The following NNT variants were observed in gnomAD, a reference collection of about 807,000 sequenced individuals.
The protein encoded by NNT is NAD(P) transhydrogenase, mitochondrial.
A neutral mutation model predicts 104.8 loss-of-function variants in NNT; 50 were observed. The observed-to-expected ratio is 0.48, with a 90% CI of 0.38 to 0.60. NNT has a LOEUF of 0.60. Ranked by LOEUF, NNT falls within the 20% of genes least tolerant of loss-of-function variation. The pLI is 0.00. For synonymous variants in NNT, 461 were observed against 490.4 expected, an observed-to-expected ratio of 0.94 and a Z score of 0.79; for missense variants, 1,131 against 1,330.7, an observed-to-expected ratio of 0.85 and a Z score of 2.33.
At chr5:43,663,732 C>T (rs1740490605) in intron 17 of NNT, among the ~76,000 whole-genome samples, 1 of 152,140 alleles carries the variant, frequency 6.6e-6, no homozygotes, top group African/African-American at 2.4e-5. Context: ...CATTTAATCC[C>T]CGCACAAATT....
Position 43,621,032 on chromosome 5 carries a change from C to T in NNT, c.687+1913C>T, listed in dbSNP as rs185653216. Among the ~76,000 whole-genome samples, 6 of 152,280 alleles carry T rather than the reference C, an allele frequency of 3.9e-5. No individual in the cohort carries two copies. In the East Asian group the frequency reaches 1.2e-3, roughly 29 times the overall value. On this transcript the variant is annotated intron_variant, in intron 5 of 21. Transcript: ENST00000344920. ...AGCTTAAGGGACTTTGGTTACATGACAGAAATAGTTTTCTGAAATTGAAGG... is the reference window on the plus strand; with the variant it reads ...AGCTTAAGGGACTTTGGTTACATGATAGAAATAGTTTTCTGAAATTGAAGG...
At chr5:43,663,722 C>T (rs1232094662) in intron 17 of NNT, among the ~76,000 whole-genome samples, 1 of 152,154 alleles carries the variant, frequency 6.6e-6, no homozygotes, top group African/African-American at 2.4e-5. Context: ...AAATATAGCT[C>T]ATTTAATCCC....
chr5:43,651,718 T>C, intron 12 of NNT, 21 bp from the exon 13 acceptor site: 2 of 1,613,608 alleles, frequency 1.2e-6, no homozygotes, highest in Non-Finnish European at 1.7e-6. Flanking sequence ...CTATGTTTTT[T>C]ATTTCCTTTG....
intron 4 of NNT, among the ~76,000 whole-genome samples, chr5:43,617,460 A>G (rs760093162): frequency 1.2e-4 from 18 of 152,088 alleles, no homozygotes; most frequent in South Asian, 2.1e-4. Context: ...TCACTCTTCT[A>G]TGTCCTGAGC....
Position 43,702,654 on chromosome 5 carries a change from A to G in NNT, c.3029A>G (p.Asp1010Gly), listed in dbSNP as rs758670229. Residue 1010 changes from aspartate to glycine, a missense_variant, in exon 21 of 22, where the codon GAC becomes GGC. Asp to Gly is a moderately conservative substitution (Grantham distance 94, BLOSUM62 -1). Transcript: ENST00000344920. ...TTGGTCCTTGTAATTGGAGCTAATG[A>G]CACTGTTAATTCAGCAGCTCAAGAA... is the stretch of plus-strand genomic sequence containing the variant. ...TDLVLVIGANDTVNSAAQEDP... is the reference protein window; with the variant it reads ...TDLVLVIGANGTVNSAAQEDP... 1 of 1,612,818 alleles carries G rather than the reference A, an allele frequency of 6.2e-7. No individual in the cohort carries two copies. Among genetic ancestry groups the G allele is most frequent in the East Asian group, 2.2e-5 (1 of 44,834 alleles).
intron 2 of NNT, among the ~76,000 whole-genome samples, chr5:43,610,929 A>T (rs558334805): frequency 6.6e-6 from 1 of 152,204 alleles, no homozygotes; most frequent in African/African-American, 2.4e-5. Context: ...AATTATTTTT[A>T]TCTCTGAAAG....
At chr5:43,696,286 G>T (rs1321956180) in intron 19 of NNT, among the ~76,000 whole-genome samples, 2 of 152,130 alleles carry the variant, frequency 1.3e-5, no homozygotes, top group Non-Finnish European at 2.9e-5. Flanking sequence ...ATCCAGCAGG[G>T]CAATCAAATC....
At chr5:43,694,738 TTGTGTG>T (rs61079918) in intron 19 of NNT, among the ~76,000 whole-genome samples, 1,791 of 137,894 alleles carry the variant, frequency 0.013, 13 homozygotes, top group Middle Eastern at 0.032. Flanking sequence ...GGCCTAAAGT[TTGTGTG>T]TGTGTGTGTG....
At chr5:43,663,773 CTGAGAAAGTATTGTAAGGCACCATTTATT>C in intron 17 of NNT, among the ~76,000 whole-genome samples, 1 of 152,192 alleles carries the variant, frequency 6.6e-6, no homozygotes, top group Non-Finnish European at 1.5e-5. Flanking sequence ...TCTCATTTTA[CTGAGAAAGTATTGTAAGGCACCATTTATT>C]ATTCACCTTT....
chr5:43,667,147 T>C, intron 17 of NNT: 2 of 1,490,776 alleles, frequency 1.3e-6, no homozygotes, highest in Non-Finnish European at 1.8e-6. Context: ...AAGAGATTCG[T>C]ATCTTTGTGA....
At chr5:43,684,437 TTGG>T (rs1741877669) in intron 19 of NNT, among the ~76,000 whole-genome samples, 1 of 152,188 alleles carries the variant, frequency 6.6e-6, no homozygotes, top group Admixed American at 6.5e-5. Context: ...AAGAAGGATT[TTGG>T]TGGTTTTAGA....
Position 43,628,347 on chromosome 5 carries a change from C to G in NNT, c.924C>G (p.Cys308Trp). 6.2e-7 allele frequency: 1 copy of G among 1,613,098 alleles called. No individual in the cohort carries two copies. Among genetic ancestry groups the G allele is most frequent in the Non-Finnish European group, 8.5e-7 (1 of 1,179,570 alleles). Reference protein sequence around the residue: ...EAEMKLFAQQCKEVDILISTA... With the variant: ...EAEMKLFAQQWKEVDILISTA... ...AAATGAAACTCTTTGCTCAACAATG[C>G]AAGGAGGTAGACATCCTTATCAGCA... The change falls in exon 7 of 22, where the codon TGC (cysteine) becomes TGG (tryptophan). Residue 308 changes from cysteine to tryptophan, a missense_variant. Transcript: ENST00000344920.
At chr5:43,654,072 A>G (rs1039496506) in intron 14 of NNT, among the ~76,000 whole-genome samples, 56 of 152,246 alleles carry the variant, frequency 3.7e-4, no homozygotes, top group Admixed American at 1.3e-4. Flanking sequence ...TAATAATATT[A>G]AAAACTCGTA....
Position 43,613,095 on chromosome 5 carries a change from C to T in NNT, c.339C>T (p.Ile113=), listed in dbSNP as rs1384885045. ...ACTATAGAGTGGCAGGTGCCCAAAT[C>T]CAAGGGGCAAAGGAAGTGCTGGCTT... is the stretch of plus-strand genomic sequence containing the variant. ...DDHYRVAGAQ[I]QGAKEVLASD... The change falls in exon 3 of 22, where the codon ATC becomes ATT. Residue 113 remains isoleucine, a synonymous_variant. Transcript: ENST00000344920. The T allele has an allele frequency of 1.2e-6, 2 of 1,613,338 alleles. No homozygotes were observed. Among genetic ancestry groups the T allele is most frequent in the Non-Finnish European group, 1.7e-6 (2 of 1,179,884 alleles).
At chr5:43,630,178 A>G (rs920102114) in intron 7 of NNT, among the ~76,000 whole-genome samples, 1 of 152,136 alleles carries the variant, frequency 6.6e-6, no homozygotes, top group Non-Finnish European at 1.5e-5. Context: ...ATCCAGCTTC[A>G]TTCTTCTGCA....
intron 13 of NNT, among the ~76,000 whole-genome samples, chr5:43,652,317 A>G (rs1251376720): frequency 6.6e-6 from 1 of 152,222 alleles, no homozygotes; most frequent in Admixed American, 6.5e-5. Flanking sequence ...GAGATGTTAT[A>G]TATTCATAAA....
chr5:43,632,916 C>T (rs1007597123), intron 7 of NNT, among the ~76,000 whole-genome samples: 2 of 151,966 alleles, frequency 1.3e-5, no homozygotes, highest in African/African-American at 2.4e-5. Flanking sequence ...CTGATAAGTA[C>T]GTTGGGGAGG....
In NNT at chr5:43,662,252, T is replaced by C. The variant is rs189294267; in HGVS notation, c.2634+2902T>C. Among the ~76,000 whole-genome samples, 391 of 152,320 alleles carry C rather than the reference T, an allele frequency of 2.6e-3. 2 individuals carry two copies. Among genetic ancestry groups the C allele is most frequent in the Non-Finnish European group, 2.6e-3 (178 of 68,022 alleles). ...TAGTGTCTTTTATTATTATTAGTTATAGCAACCATAGTAAGTCTTACAGTA... is the reference window on the plus strand; with the variant it reads ...TAGTGTCTTTTATTATTATTAGTTACAGCAACCATAGTAAGTCTTACAGTA... On this transcript the variant is annotated intron_variant, in intron 17 of 21. Transcript: ENST00000344920.
intron 10 of NNT, chr5:43,647,897 T>A (rs1454624249): frequency 2.2e-6 from 1 of 454,974 alleles, no homozygotes; most frequent in Admixed American, 2.4e-5. Context: ...AATTCAGCAG[T>A]GGGTATATTA....
Sources: allele counts gnomAD v4.1 joint callset (sites outside exome capture counted in the v4.1 genomes callset), GRCh38; gene constraint gnomAD v4.1.1; transcripts MANE v1.5; gene names NCBI Gene and HGNC (gene_info 2026-07-23, HGNC 2026-07-21).